Variants in AUTS2 observed in about 807,000 individuals in gnomAD.
The protein encoded by AUTS2 is activator of transcription and developmental regulator AUTS2, also known as autism susceptibility gene 2 protein.
In AUTS2, 17 loss-of-function variants were observed where a neutral mutation model predicts 112.4. That is an observed-to-expected ratio of 0.15 (90% CI 0.10 to 0.23). AUTS2 has a LOEUF of 0.23. Among genes scored for constraint, AUTS2 ranks in the 10% least tolerant of loss-of-function variants. AUTS2 has a pLI of 1.00. For synonymous variants in AUTS2, 751 were observed against 702.7 expected, an observed-to-expected ratio of 1.07 and a Z score of -1.09; for missense variants, 1,510 against 1,701.6, an observed-to-expected ratio of 0.89 and a Z score of 1.98.
chr7:70,686,006 C>G (rs112748615), intron 5 of AUTS2, among the ~76,000 whole-genome samples: 141 of 152,308 alleles, frequency 9.3e-4, no homozygotes, highest in African/African-American at 3.3e-3. Context: ...AGCAAGCCCC[C>G]GCCCCAGCAC....
intron 1 of AUTS2, among the ~76,000 whole-genome samples, chr7:69,771,810 T>C (rs1472039794): frequency 1.3e-5 from 2 of 149,870 alleles, no homozygotes; most frequent in South Asian, 2.1e-4. Context: ...TGAGATAGAG[T>C]TTTTGGTCTT....
chr7:69,784,344 C>T (rs550427544), intron 1 of AUTS2, among the ~76,000 whole-genome samples: 41 of 152,286 alleles, frequency 2.7e-4, no homozygotes, highest in African/African-American at 9.9e-4. Context: ...AGAGGAGAGC[C>T]TCTCCTTCGC....
chr7:70,000,049 C>T (rs1339328429), intron 2 of AUTS2, among the ~76,000 whole-genome samples: 2 of 152,216 alleles, frequency 1.3e-5, no homozygotes, highest in Non-Finnish European at 2.9e-5. Context: ...TTTCTGAATT[C>T]ACCTGTTTCT....
At chr7:69,993,283 A>G (rs923739062) in intron 2 of AUTS2, among the ~76,000 whole-genome samples, 6 of 152,168 alleles carry the variant, frequency 3.9e-5, no homozygotes, top group Non-Finnish European at 5.9e-5. Flanking sequence ...GGATATATGT[A>G]TAGTCATCCC....
In AUTS2 at chr7:70,766,970, T is replaced by G. The variant is rs1272499940; in HGVS notation, c.1689+636T>G. Among the ~76,000 whole-genome samples the G allele has an allele frequency of 1.3e-5, 2 of 152,212 alleles. No homozygotes were observed. On this transcript the variant is annotated intron_variant, in intron 9 of 18. Transcript: ENST00000342771. This position sits in a 1 kb window ranked among gnomAD's most constrained non-coding sequence, Gnocchi z 4.8. Reference sequence around the variant, plus strand: ...AGAGGAACCACTGGCCATGACATGGTCTTGCTTTAACTGGGGGCTAGCACA... The same window carrying G: ...AGAGGAACCACTGGCCATGACATGGGCTTGCTTTAACTGGGGGCTAGCACA...
At chr7:70,295,614 G>A (rs1316391722) in intron 4 of AUTS2, among the ~76,000 whole-genome samples, 4 of 152,042 alleles carry the variant, frequency 2.6e-5, no homozygotes, top group South Asian at 2.1e-4. Context: ...TTACTCTATT[G>A]CCTCAACTCT....
intron 4 of AUTS2, among the ~76,000 whole-genome samples, chr7:70,172,688 G>A (rs995861808): frequency 3.9e-5 from 6 of 152,072 alleles, no homozygotes; most frequent in Non-Finnish European, 4.4e-5. Context: ...AACACCATAA[G>A]CTATTTGCCC....
chr7:70,494,583 C>T (rs964085444), intron 5 of AUTS2, among the ~76,000 whole-genome samples: 1 of 152,048 alleles, frequency 6.6e-6, no homozygotes, highest in African/African-American at 2.4e-5. Flanking sequence ...CCCTCCCCCC[C>T]GACACTCAGA....
rs549323415 is a variant in AUTS2 at position 69,871,097 on chromosome 7, ACT to A, written c.310-28184_310-28183del. ...GTTGATATGCACACATTTAACCAAC[ACT>A]CTCTACCTTCAGATTACAATGAGTA... On this transcript the variant is annotated intron_variant, in intron 1 of 18. Coordinates refer to ENST00000342771, the MANE Select transcript of AUTS2 (RefSeq NM_015570.4). Among the ~76,000 whole-genome samples the A allele has an allele frequency of 2.1e-3, 322 of 152,176 alleles. 3 individuals carry two copies. The highest frequency in any genetic ancestry group is 7.6e-3 in the African/African-American group (315 of 41,510).
At chr7:70,165,198 A>G (rs915630714) in intron 4 of AUTS2, among the ~76,000 whole-genome samples, 1 of 152,206 alleles carries the variant, frequency 6.6e-6, no homozygotes, top group African/African-American at 2.4e-5. Flanking sequence ...TAAAAAATGG[A>G]GCATTGCCAT....
intron 1 of AUTS2, among the ~76,000 whole-genome samples, chr7:69,891,569 G>A (rs539413715): frequency 5.9e-5 from 9 of 151,906 alleles, no homozygotes; most frequent in African/African-American, 2.2e-4. Context: ...CTTCCAAAGT[G>A]GTTGTGCTGT....
intron 1 of AUTS2, among the ~76,000 whole-genome samples, chr7:69,690,888 C>T (rs562084038): frequency 2.5e-4 from 38 of 152,218 alleles, no homozygotes; most frequent in Non-Finnish European, 4.0e-4. Flanking sequence ...GTGAGCAAGG[C>T]GGAGAGGGGC....
At chr7:70,442,600 C>T (rs1796163908) in intron 5 of AUTS2, among the ~76,000 whole-genome samples, 1 of 152,144 alleles carries the variant, frequency 6.6e-6, no homozygotes, top group African/African-American at 2.4e-5. Flanking sequence ...AAGTGATTCT[C>T]CTGCCTCAGC....
chr7:69,660,077 C>T (rs1026213347), intron 1 of AUTS2, among the ~76,000 whole-genome samples: 7 of 152,344 alleles, frequency 4.6e-5, no homozygotes, highest in Non-Finnish European at 8.8e-5. Flanking sequence ...CATCCTTCTG[C>T]CCTGGCACTC....
chr7:69,675,505 GT>G (rs751222506), intron 1 of AUTS2, among the ~76,000 whole-genome samples: 2,009 of 114,178 alleles, frequency 0.018, 23 homozygotes, highest in African/African-American at 0.051. Context: ...TTGGCTGAGG[GT>G]TTTTTTTTTT....
chr7:70,296,882 C>T (rs958304994), intron 4 of AUTS2, among the ~76,000 whole-genome samples: 1 of 149,658 alleles, frequency 6.7e-6, no homozygotes, highest in Non-Finnish European at 1.5e-5. Context: ...TGCTCTGTCA[C>T]CCAGGCTGGA....
chr7:69,769,243 T>A (rs989182830), intron 1 of AUTS2, among the ~76,000 whole-genome samples: 1 of 152,080 alleles, frequency 6.6e-6, no homozygotes, highest in Non-Finnish European at 1.5e-5. Flanking sequence ...AGAACGTAAA[T>A]CATATTATAT....
chr7:70,548,638 C>G (rs35342186), intron 5 of AUTS2, among the ~76,000 whole-genome samples: 10,987 of 152,200 alleles, frequency 0.072, 474 homozygotes, highest in Middle Eastern at 0.11. Flanking sequence ...GTTACCCCAT[C>G]ACTGTTTATC....
At chr7:69,719,332 G>C (rs906948875) in intron 1 of AUTS2, among the ~76,000 whole-genome samples, 6 of 152,066 alleles carry the variant, frequency 3.9e-5, no homozygotes, top group Non-Finnish European at 8.8e-5. Context: ...ACATAAAACT[G>C]TCTTGAGACT....
Sources: allele counts gnomAD v4.1 joint callset (sites outside exome capture counted in the v4.1 genomes callset), GRCh38; gene constraint gnomAD v4.1.1; non-coding constraint Gnocchi (gnomAD v3.1); transcripts MANE v1.5; gene names NCBI Gene and HGNC (gene_info 2026-07-23, HGNC 2026-07-21).